The following TEX264 variants were observed in gnomAD, a reference collection of about 807,000 sequenced individuals.
The protein encoded by TEX264 is testis-expressed protein 264.
TEX264 carries 13 observed loss-of-function variants against 23.4 expected under a neutral mutation model. That is an observed-to-expected ratio of 0.56 (90% confidence interval 0.36 to 0.88). TEX264 has a LOEUF of 0.88. TEX264 is among the 40% of genes least tolerant of loss of function. The pLI is 0.01. For missense variants in TEX264, 340 were observed against 406.8 expected (o/e 0.84, Z 1.41); for synonymous variants, 159 against 170.0 (o/e 0.94, Z 0.50).
rs1559680577 is a variant in TEX264, at chr3:51,694,035, CT to C, written c.481-5369del. 7.9e-4 allele frequency among the ~76,000 whole-genome samples: 105 copies of C among 132,960 alleles called. 1 individual carries two copies. Among genetic ancestry groups the C allele is most frequent in the African/African-American group, 2.0e-3 (63 of 31,952 alleles). The allele number at this position is 132,960 out of a possible 152,430, so 87.2% of individuals were successfully genotyped here. A position where few individuals can be genotyped will look rare whatever the true frequency, so the allele number is the denominator to read the frequency against. ...CCTTCCTTCCTTCCTTCCTTCCTTC[CT>C]TCCTTCCTTCCTCCCTTCCCTTCCC... On this transcript the variant is annotated intron_variant, in intron 3 of 4. Coordinates refer to ENST00000341333, the MANE Select transcript of TEX264 (RefSeq NM_015926.6).
At position 51,674,490 on chromosome 3, in the gene TEX264, GCTTTTCA is replaced by G; in HGVS notation, c.189_195del (p.Phe64ArgfsTer35). The G allele has an allele frequency of 6.2e-7, 1 of 1,614,230 alleles. No homozygotes were observed. Among genetic ancestry groups the G allele is most frequent in the Non-Finnish European group, 8.5e-7 (1 of 1,180,032 alleles). ...TGGGGCTCTATGGTGAGACTGGGCGGCTTTTCACTGAGAGCTGCAGCATCTCTCCCAA... is the reference window on the plus strand; with the variant it reads ...TGGGGCTCTATGGTGAGACTGGGCGGCTGAGAGCTGCAGCATCTCTCCCAA... On this transcript the variant is annotated frameshift_variant, in exon 2 of 5. Coordinates refer to ENST00000341333, the MANE Select transcript of TEX264 (RefSeq NM_015926.6). LOFTEE classifies it high-confidence loss of function.
At chr3:51,674,233 A>G in intron 1 of TEX264, 38 bp from the exon 2 acceptor site, 2 of 1,594,594 alleles carry the variant, frequency 1.3e-6, no homozygotes, top group Admixed American at 1.7e-5. Context: ...TTGTCAGAGT[A>G]GGCTACCAGC....
At chr3:51,701,119 CTGGCTGTGGGCAGAGCGA>C (rs1376531072) in intron 4 of TEX264, among the ~76,000 whole-genome samples, 1 of 152,192 alleles carries the variant, frequency 6.6e-6, no homozygotes. Flanking sequence ...TCGTCTTGCA[CTGGCTGTGGGCAGAGCGA>C]GAGGGAGGGA....
intron 3 of TEX264, among the ~76,000 whole-genome samples, chr3:51,693,546 C>T (rs572199009): frequency 2.0e-5 from 3 of 146,594 alleles, no homozygotes; most frequent in African/African-American, 5.0e-5. Context: ...GTGGCACGAT[C>T]GCGGCTCACT....
In TEX264 at chr3:51,699,465, C is replaced by A. The variant is rs756953605; in HGVS notation, c.540C>A (p.Phe180Leu). 1 of 1,614,140 alleles carries A rather than the reference C, an allele frequency of 6.2e-7. No homozygotes were observed. Among genetic ancestry groups the A allele is most frequent in the South Asian group, 1.1e-5 (1 of 91,088 alleles). ...LEIYQEDQIH[F>L]MCPLARQGDF... ...TCTACCAGGAAGACCAGATCCATTT[C>A]ATGTGCCCACTGGCACGGCAGGGAG... The change falls in exon 4 of 5, where the codon TTC (phenylalanine) becomes TTA (leucine). Residue 180 changes from phenylalanine (F) to leucine (L), a missense_variant. Coordinates refer to ENST00000341333, the MANE Select transcript of TEX264 (RefSeq NM_015926.6).
chr3:51,690,231 G>A (rs950511300), intron 3 of TEX264, among the ~76,000 whole-genome samples: 6 of 152,254 alleles, frequency 3.9e-5, no homozygotes, highest in East Asian at 1.9e-4. Flanking sequence ...GGCCTCGGCC[G>A]GGGAAATACA....
intron 2 of TEX264, chr3:51,682,789 A>C (rs1366243187): frequency 6.6e-6 from 1 of 152,264 alleles, no homozygotes; most frequent in African/African-American, 2.4e-5. Flanking sequence ...GCTCTGAGCC[A>C]GGTTTGGATG....
chr3:51,684,440 G>C lies in TEX264; in HGVS notation c.286G>C (p.Val96Leu). 1 of 1,614,124 alleles carries C rather than the reference G, an allele frequency of 6.2e-7. No individual in the cohort carries two copies. Among genetic ancestry groups the C allele is most frequent in the Non-Finnish European group, 8.5e-7 (1 of 1,180,006 alleles). The stretch of plus-strand genomic sequence containing the variant: ...GCCCCCTGATAAGTGCCGATGTGCC[G>C]TGGGCAGCATCCTGAGTGAAGGTGA... Reference protein sequence around the residue: ...MVPPDKCRCAVGSILSEGEES... With the variant: ...MVPPDKCRCALGSILSEGEES... The change falls in exon 3 of 5, where the codon GTG (valine) becomes CTG (leucine). Residue 96 changes from valine (V) to leucine (L), a missense_variant. Physicochemically the swap from Val to Leu is conservative, Grantham distance 32. Transcript: ENST00000341333.
chr3:51,702,162 G>T (rs1703330344), intron 4 of TEX264, among the ~76,000 whole-genome samples: 1 of 152,136 alleles, frequency 6.6e-6, no homozygotes, highest in African/African-American at 2.4e-5. Flanking sequence ...GTTTAATAGG[G>T]CCAGGGAGAA....
intron 3 of TEX264, among the ~76,000 whole-genome samples, chr3:51,693,883 T>C (rs1702922485): frequency 6.6e-6 from 1 of 152,202 alleles, no homozygotes; most frequent in South Asian, 2.1e-4. Flanking sequence ...ATTGATTCTT[T>C]TTGGGTTTTC....
chr3:51,690,457 G>A (rs900434598), intron 3 of TEX264, among the ~76,000 whole-genome samples: 1 of 151,838 alleles, frequency 6.6e-6, no homozygotes, highest in Non-Finnish European at 1.5e-5. Context: ...GCTTGAACTC[G>A]GGAGGCAGAG....
intron 3 of TEX264, among the ~76,000 whole-genome samples, chr3:51,693,474 ATGTT>A (rs1702902959): frequency 7.9e-6 from 1 of 126,256 alleles, no homozygotes; most frequent in Non-Finnish European, 1.7e-5. Context: ...CGTTTCCATT[ATGTT>A]TTTTTTTTTT....
intron 3 of TEX264, among the ~76,000 whole-genome samples, chr3:51,699,106 C>T (rs1374370205): frequency 6.6e-6 from 1 of 152,120 alleles, no homozygotes; most frequent in Non-Finnish European, 1.5e-5. Context: ...TCTGGAACAG[C>T]TTTTTGGTCT....
intron 1 of TEX264, among the ~76,000 whole-genome samples, chr3:51,673,985 C>T (rs1220513472): frequency 6.6e-6 from 1 of 152,152 alleles, no homozygotes; most frequent in African/African-American, 2.4e-5. Context: ...CTGTGCCCCT[C>T]TGTGACTCAG....
At chr3:51,695,446 A>G (rs1046298548) in intron 3 of TEX264, among the ~76,000 whole-genome samples, 3 of 152,112 alleles carry the variant, frequency 2.0e-5, no homozygotes, top group African/African-American at 7.2e-5. Context: ...TCTGTCTTCT[A>G]TTTGCTCCCA....
In TEX264 at chr3:51,684,472, G is replaced by T; in HGVS notation, c.318G>T (p.Ser106=). Residue 106 remains serine (S), a synonymous_variant, in exon 3 of 5, where the codon TCG becomes TCT. Transcript: ENST00000341333. ...GCATCCTGAGTGAAGGTGAGGAATC[G>T]CCCTCCCCTGAGCTCATCGACCTCT... ...VGSILSEGEE[S]PSPELIDLYQ... is the part of the protein sequence containing the mutation. The T allele has an allele frequency of 6.2e-7, 1 of 1,614,174 alleles. No individual in the cohort carries two copies. Among genetic ancestry groups the T allele is most frequent in the Non-Finnish European group, 8.5e-7 (1 of 1,180,028 alleles).
chr3:51,678,296 C>A (rs1416165013), intron 2 of TEX264, among the ~76,000 whole-genome samples: 1 of 152,184 alleles, frequency 6.6e-6, no homozygotes, highest in East Asian at 1.9e-4. Context: ...CTCGCTTGAT[C>A]CTGGCCAGCT....
intron 2 of TEX264, among the ~76,000 whole-genome samples, chr3:51,678,957 T>G (rs1253826721): frequency 6.6e-6 from 1 of 152,200 alleles, no homozygotes; most frequent in Non-Finnish European, 1.5e-5. Context: ...CTATCCTGGT[T>G]ACTCCATGGT....
At position 51,703,786 on chromosome 3, in the gene TEX264, A is replaced by G; in HGVS notation, c.712A>G (p.Thr238Ala). 1 of 1,608,490 alleles carries G rather than the reference A, an allele frequency of 6.2e-7. No homozygotes were observed. Among genetic ancestry groups the G allele is most frequent in the South Asian group, 1.1e-5 (1 of 90,886 alleles). ...SLEVSPGSRE[T>A]SAATLSPGAS... is the part of the protein sequence containing the mutation. Reference sequence around the variant, plus strand: ...GGAAGTGAGCCCTGGCAGCCGGGAGACTTCAGCTGCCACACTGTCACCTGG... The same window carrying G: ...GGAAGTGAGCCCTGGCAGCCGGGAGGCTTCAGCTGCCACACTGTCACCTGG... The change falls in exon 5 of 5, where the codon ACT becomes GCT. Residue 238 changes from threonine to alanine, a missense_variant. Coordinates refer to ENST00000341333, the MANE Select transcript of TEX264 (RefSeq NM_015926.6). This position sits in a 1 kb window ranked among gnomAD's most constrained non-coding sequence, Gnocchi z 4.8.
Sources: gnomAD v4.1 joint callset for allele counts (sites outside exome capture counted in the v4.1 genomes callset) on GRCh38, gnomAD v4.1.1 for gene constraint, Gnocchi (gnomAD v3.1) non-coding constraint, MANE v1.5 for transcripts, NCBI Gene and HGNC (gene_info 2026-07-23, HGNC 2026-07-21) for gene names.